The following TSHZ2 variants were observed in gnomAD, a reference collection of about 807,000 sequenced individuals.
The protein encoded by TSHZ2 is teashirt zinc finger homeobox 2.
In TSHZ2, 21 loss-of-function variants were observed where a neutral mutation model predicts 74.4. The observed-to-expected ratio is 0.28, with a 90% CI of 0.20 to 0.41. The LOEUF is 0.41. Among genes scored for constraint, TSHZ2 ranks in the 10% least tolerant of loss-of-function variants. The pLI, the probability that TSHZ2 is intolerant of heterozygous loss-of-function variation, is 1.00. For synonymous variants in TSHZ2, 540 were observed against 515.3 expected (o/e 1.05, Z -0.65); for missense variants, 1,244 against 1,293.5 (o/e 0.96, Z 0.59).
chr20:53,195,698 G>A (rs2123557730), intron 1 of TSHZ2, among the ~76,000 whole-genome samples: 1 of 152,266 alleles, frequency 6.6e-6, no homozygotes, highest in South Asian at 2.1e-4. Flanking sequence ...GCTAGTCTTA[G>A]GATTTTATCT....
At chr20:53,205,583 C>T (rs1319861751) in intron 1 of TSHZ2, among the ~76,000 whole-genome samples, 1 of 152,136 alleles carries the variant, frequency 6.6e-6, no homozygotes, top group Non-Finnish European at 1.5e-5. Flanking sequence ...CCGCACTGTC[C>T]ATTTTGCAGG....
At chr20:53,314,650 G>T (rs1978926749) in intron 2 of TSHZ2, among the ~76,000 whole-genome samples, 1 of 141,516 alleles carries the variant, frequency 7.1e-6, no homozygotes, top group Non-Finnish European at 1.5e-5. Flanking sequence ...TTGAGACAGA[G>T]TCTCACTGTC....
At chr20:53,142,330 A>T (rs1987422309) in intron 1 of TSHZ2, among the ~76,000 whole-genome samples, 1 of 152,214 alleles carries the variant, frequency 6.6e-6, no homozygotes, top group Non-Finnish European at 1.5e-5. Context: ...CTTCCGGTTC[A>T]GACCGGAAGA....
At chr20:53,009,893 G>A (rs145360544) in intron 1 of TSHZ2, among the ~76,000 whole-genome samples, 459 of 152,272 alleles carry the variant, frequency 3.0e-3, no homozygotes, top group African/African-American at 8.8e-3. Flanking sequence ...ACCTACATTG[G>A]GAACTCTGAG....
chr20:53,184,716 T>C (rs1427605915), intron 1 of TSHZ2, among the ~76,000 whole-genome samples: 4 of 152,218 alleles, frequency 2.6e-5, no homozygotes, highest in Non-Finnish European at 4.4e-5. Flanking sequence ...TTTCTAATTT[T>C]ATAATTTTTT....
intron 2 of TSHZ2, chr20:53,399,548 A>C (rs1372511797): frequency 6.6e-6 from 1 of 152,188 alleles, no homozygotes; most frequent in Non-Finnish European, 1.5e-5. Flanking sequence ...CGTCATCCAG[A>C]AGGATGCTTT....
intron 1 of TSHZ2, among the ~76,000 whole-genome samples, chr20:53,157,478 C>T (rs1987824593): frequency 6.7e-6 from 1 of 149,362 alleles, no homozygotes. Context: ...ATGATTGTAG[C>T]TCACTGCAGT....
Position 53,463,477 on chromosome 20 carries a change from T to C in TSHZ2, c.*9-23667T>C, listed in dbSNP as rs542607685. Among the ~76,000 whole-genome samples the C allele has an allele frequency of 7.1e-5, 8 of 113,206 alleles. No individual in the cohort carries two copies. The East Asian group carries it at 2.3e-3, about 32-fold the overall frequency. 74.3% of individuals were successfully genotyped at this position (113,206 alleles called of 152,430 possible). ...AAGGAAGGAAGGTTGGCTTAGGGGG[T>C]AGGGAGAGGAAAGAAAGAGAGAAGG... On this transcript the variant is annotated intron_variant, in intron 2 of 2. Coordinates refer to ENST00000371497, the MANE Select transcript of TSHZ2 (RefSeq NM_173485.6).
intron 1 of TSHZ2, among the ~76,000 whole-genome samples, chr20:53,141,802 T>C (rs1435666323): frequency 3.3e-5 from 5 of 152,232 alleles, no homozygotes; most frequent in Admixed American, 1.3e-4. Flanking sequence ...GTCAGTGTGA[T>C]GAAGTGTTCC....
intron 1 of TSHZ2, among the ~76,000 whole-genome samples, chr20:53,088,824 A>C (rs1451885604): frequency 2.0e-5 from 3 of 152,162 alleles, no homozygotes; most frequent in African/African-American, 7.2e-5. Context: ...ACCACACAGC[A>C]ATGCAGAGAC....
At position 53,332,943 on chromosome 20, in the gene TSHZ2, C is replaced by A. The variant is rs574915444; in HGVS notation, c.*8+76372C>A. On this transcript the variant is annotated intron_variant, in intron 2 of 2. Coordinates refer to ENST00000371497, the MANE Select transcript of TSHZ2 (RefSeq NM_173485.6). ...CTCTTCTTTTACTCCTTCTGACAGG[C>A]CGAGATCCTTCCTTCTTTCAGCTCC... is the stretch of plus-strand genomic sequence containing the variant. 9.8e-5 allele frequency among the ~76,000 whole-genome samples: 15 copies of A among 152,312 alleles called. No individual in the cohort carries two copies. In the East Asian group the frequency reaches 2.1e-3, roughly 22 times the overall value.
rs1203589396 is a variant in TSHZ2, at chr20:53,219,570, G to A, written c.41-33929G>A. Among the ~76,000 whole-genome samples, 7 of 152,246 alleles carry A rather than the reference G, an allele frequency of 4.6e-5. No individual in the cohort carries two copies. In the East Asian group the frequency reaches 1.3e-3, roughly 29 times the overall value. ...TGTGACTGTTACCTTTATTTGAAGA[G>A]ACTAAAATCCCAGAAGTTGAAATTA... On this transcript the variant is annotated intron_variant, in intron 1 of 2. Coordinates refer to ENST00000371497, the MANE Select transcript of TSHZ2 (RefSeq NM_173485.6).
chr20:53,041,854 C>T (rs1030009438), intron 1 of TSHZ2, among the ~76,000 whole-genome samples: 13 of 152,196 alleles, frequency 8.5e-5, no homozygotes, highest in African/African-American at 3.1e-4. Flanking sequence ...ATACCCACTG[C>T]CTAAAGCAGC....
chr20:53,357,513 A>T (rs529794765), intron 2 of TSHZ2, among the ~76,000 whole-genome samples: 245 of 152,304 alleles, frequency 1.6e-3, no homozygotes, highest in Non-Finnish European at 2.5e-3. Context: ...TTATTAAAAA[A>T]AAAATAAAAT....
chr20:53,382,784 G>T (rs6022432), intron 2 of TSHZ2, among the ~76,000 whole-genome samples: 23,560 of 152,184 alleles, frequency 0.15, 2,355 homozygotes, highest in South Asian at 0.34. Flanking sequence ...AGACTTTCAT[G>T]ACCAAAGAGA....
chr20:53,364,401 C>T lies in TSHZ2; in HGVS notation c.*8+107830C>T, dbSNP rs892931889. On this transcript the variant is annotated intron_variant, in intron 2 of 2. Transcript: ENST00000371497. ...TGTTCAAACAAGAGTCAGGGAGTCG[C>T]GCTGGTGCCCTCTCCTCTCTATCCT... is the stretch of plus-strand genomic sequence containing the variant. Among the ~76,000 whole-genome samples the T allele has an allele frequency of 5.3e-5, 8 of 152,044 alleles. No individual in the cohort carries two copies. The South Asian group carries it at 6.2e-4, about 12-fold the overall frequency.
At chr20:53,142,853 T>A (rs545190588) in intron 1 of TSHZ2, among the ~76,000 whole-genome samples, 286 of 152,040 alleles carry the variant, frequency 1.9e-3, no homozygotes, top group African/African-American at 6.3e-3. Flanking sequence ...TGCTTAATAC[T>A]ATCACAAATC....
At chr20:53,270,528 G>A (rs1990812670) in intron 2 of TSHZ2, among the ~76,000 whole-genome samples, 1 of 152,120 alleles carries the variant, frequency 6.6e-6, no homozygotes, top group Admixed American at 6.5e-5. Context: ...GACAAATGGA[G>A]GATTTGCCTG....
intron 1 of TSHZ2, among the ~76,000 whole-genome samples, chr20:53,003,992 G>T (rs1982541114): frequency 2.6e-5 from 4 of 151,732 alleles, no homozygotes; most frequent in Admixed American, 2.6e-4. Context: ...TCTGTGGAAA[G>T]TTCAGGGGAG....
Sources: gnomAD v4.1 joint callset for allele counts (sites outside exome capture counted in the v4.1 genomes callset) on GRCh38, gnomAD v4.1.1 for gene constraint, MANE v1.5 for transcripts, NCBI Gene and HGNC (gene_info 2026-07-23, HGNC 2026-07-21) for gene names.